The following CUX1 variants were observed in gnomAD, a reference collection of about 807,000 sequenced individuals.
The protein encoded by CUX1 is cut like homeobox 1.
A neutral mutation model predicts 158.8 loss-of-function variants in CUX1; 31 were observed. That is an observed-to-expected ratio of 0.20 (90% CI 0.15 to 0.26). CUX1 has a LOEUF of 0.26. CUX1 is among the 10% of genes least tolerant of loss of function. The probability of loss-of-function intolerance (pLI) is 1.00; values close to 1 mark genes in which losing one functional copy is unlikely to be tolerated. For synonymous variants in CUX1, 879 were observed against 862.1 expected, an observed-to-expected ratio of 1.02 and a Z score of -0.34; for missense variants, 1,589 against 2,014.6, an observed-to-expected ratio of 0.79 and a Z score of 4.04.
chr7:101,982,673 T>G (rs1813583253), intron 2 of CUX1, among the ~76,000 whole-genome samples: 1 of 152,030 alleles, frequency 6.6e-6, no homozygotes, highest in Non-Finnish European at 1.5e-5. Context: ...ACGATCTGCC[T>G]GCCTCGGCCT....
rs143212469 is a variant in CUX1, at chr7:102,058,684, G to T, written c.190-11655G>T. 6.7e-3 allele frequency among the ~76,000 whole-genome samples: 1,019 copies of T among 152,262 alleles called. 14 individuals carry two copies. The highest frequency in any genetic ancestry group is 0.024 in the African/African-American group (986 of 41,544). On this transcript the variant is annotated intron_variant, in intron 3 of 23. Coordinates refer to ENST00000292535, the MANE Select transcript of CUX1 (RefSeq NM_181552.4). The stretch of plus-strand genomic sequence containing the variant: ...TGTGAAAGTCTTGCTGAATGTGTAT[G>T]TTTTTATACATCTACAATTTTTTTA...
chr7:102,062,813 T>G (rs1194444032), intron 3 of CUX1, among the ~76,000 whole-genome samples: 1 of 151,852 alleles, frequency 6.6e-6, no homozygotes, highest in Non-Finnish European at 1.5e-5. Context: ...TGTCTTTAAA[T>G]GTAACACTTA....
chr7:102,026,539 G>A (rs1820042865), intron 2 of CUX1, among the ~76,000 whole-genome samples: 5 of 152,002 alleles, frequency 3.3e-5, no homozygotes, highest in Admixed American at 3.3e-4. Context: ...TAAAATGTAG[G>A]CCTAGCCCGG....
At chr7:102,279,885 C>T (rs1362593924) in intron 18 of CUX1, 1 of 620,320 alleles carries the variant, frequency 1.6e-6, no homozygotes, top group East Asian at 2.8e-5. Context: ...CATTGTCACC[C>T]CAGCACCCTC....
At chr7:102,104,484 C>G (rs1830128215) in intron 6 of CUX1, 25 bp downstream of exon 6, 1 of 1,609,696 alleles carries the variant, frequency 6.2e-7, no homozygotes, top group African/African-American at 1.3e-5. Context: ...CAGGCACACA[C>G]AGACTGACAT....
chr7:102,196,286 G>C (rs987057791), intron 14 of CUX1, among the ~76,000 whole-genome samples: 9 of 152,174 alleles, frequency 5.9e-5, no homozygotes, highest in African/African-American at 1.9e-4. Flanking sequence ...TCCGGCCGGG[G>C]CCAGCGGGCC....
At chr7:101,949,886 G>A (rs1167523594) in intron 2 of CUX1, among the ~76,000 whole-genome samples, 3 of 151,780 alleles carry the variant, frequency 2.0e-5, no homozygotes, top group Non-Finnish European at 2.9e-5. Flanking sequence ...CTGAGAGAGG[G>A]GCTTCTGAGA....
chr7:102,006,184 C>T (rs886541987), intron 2 of CUX1, among the ~76,000 whole-genome samples: 2 of 152,050 alleles, frequency 1.3e-5, no homozygotes, highest in Non-Finnish European at 2.9e-5. Context: ...GAAAAAGACC[C>T]GCGGGGTCCA....
At chr7:102,142,149 C>T (rs571426347) in intron 8 of CUX1, among the ~76,000 whole-genome samples, 1 of 152,280 alleles carries the variant, frequency 6.6e-6, no homozygotes, top group East Asian at 1.9e-4. Context: ...CACTGCTCCC[C>T]TGTGGTGTGT....
At chr7:102,194,472 T>C (rs568330853) in intron 13 of CUX1, among the ~76,000 whole-genome samples, 2 of 150,918 alleles carry the variant, frequency 1.3e-5, no homozygotes, top group East Asian at 3.9e-4. Context: ...CTGTGACATA[T>C]ACCCGTGGTC....
At chr7:102,131,769 T>G (rs1554497251) in intron 8 of CUX1, among the ~76,000 whole-genome samples, 1 of 151,436 alleles carries the variant, frequency 6.6e-6, no homozygotes, top group African/African-American at 2.4e-5. Context: ...GCCTCCCAGG[T>G]TCAAGCAGTT....
At chr7:102,136,139 C>G (rs1256698592) in intron 8 of CUX1, among the ~76,000 whole-genome samples, 1 of 151,894 alleles carries the variant, frequency 6.6e-6, no homozygotes, top group South Asian at 2.1e-4. Context: ...ATGATTTCTT[C>G]CCCCAACATA....
At chr7:102,031,764 T>A (rs890175033) in intron 3 of CUX1, among the ~76,000 whole-genome samples, 3 of 152,108 alleles carry the variant, frequency 2.0e-5, no homozygotes, top group Non-Finnish European at 4.4e-5. Context: ...TCTCCCTTAG[T>A]TACTCTTTTT....
intron 2 of CUX1, among the ~76,000 whole-genome samples, chr7:101,963,031 G>A (rs1284422169): frequency 1.3e-5 from 2 of 152,130 alleles, no homozygotes; most frequent in East Asian, 1.9e-4. Flanking sequence ...TTTCTGGTTT[G>A]GCCAAGGGAT....
chr7:102,111,217 C>T (rs1830847981), intron 6 of CUX1, among the ~76,000 whole-genome samples: 1 of 151,982 alleles, frequency 6.6e-6, no homozygotes, highest in Non-Finnish European at 1.5e-5. Context: ...TTCACAATGT[C>T]CCCATTAGGT....
intron 5 of CUX1, among the ~76,000 whole-genome samples, chr7:102,097,874 T>C (rs1829363537): frequency 6.6e-6 from 1 of 152,236 alleles, no homozygotes; most frequent in Non-Finnish European, 1.5e-5. Flanking sequence ...ACACAGTAAG[T>C]CATTTAATAA....
At chr7:102,222,248 A>G (rs1217578124) in intron 20 of CUX1, among the ~76,000 whole-genome samples, 1 of 152,174 alleles carries the variant, frequency 6.6e-6, no homozygotes, top group Non-Finnish European at 1.5e-5. Flanking sequence ...ACTGCATTCC[A>G]GCTGGAGCAA....
chr7:102,216,481 C>T (rs1420960252), intron 20 of CUX1, among the ~76,000 whole-genome samples: 1 of 151,498 alleles, frequency 6.6e-6, no homozygotes, highest in African/African-American at 2.4e-5. Context: ...CAGAATTGAA[C>T]CCTTGAGAAA....
chr7:101,978,745 G>T (rs753328310), intron 2 of CUX1, among the ~76,000 whole-genome samples: 1 of 152,158 alleles, frequency 6.6e-6, no homozygotes, highest in Non-Finnish European at 1.5e-5. Flanking sequence ...TCTGCGCCCC[G>T]TGGCTTCTTC....
Sources: gnomAD v4.1 joint callset for allele counts (sites outside exome capture counted in the v4.1 genomes callset) on GRCh38, gnomAD v4.1.1 for gene constraint, MANE v1.5 for transcripts, NCBI Gene and HGNC (gene_info 2026-07-23, HGNC 2026-07-21) for gene names.